TCFL5: variants seen among roughly 807,000 people sequenced by gnomAD.
TCFL5 encodes transcription factor-like 5 protein.
Under a neutral mutation model 44.3 loss-of-function variants are expected in TCFL5, and 9 were observed. The ratio of observed to expected loss-of-function variants is 0.20; its 90% CI spans 0.12 to 0.35. The LOEUF is 0.35. Ranked by LOEUF, TCFL5 falls within the 10% of genes least tolerant of loss-of-function variation. TCFL5 has a pLI of 1.00. For synonymous variants in TCFL5, 319 were observed against 271.6 expected (o/e 1.17, Z -1.72); for missense variants, 603 against 613.4 (o/e 0.98, Z 0.18).
Position 62,842,313 on chromosome 20 carries a change from A to G in TCFL5, c.1381-216T>C, listed in dbSNP as rs968338059. On this transcript the variant is annotated intron_variant, in intron 5 of 5. Coordinates refer to ENST00000335351, the MANE Select transcript of TCFL5 (RefSeq NM_006602.4). This position sits in a 1 kb window ranked among gnomAD's most constrained non-coding sequence, Gnocchi z 4.3. Reference sequence around the variant, plus strand: ...TTTTCAAATAGCAGTTACACTGTACATGTACTTTTGTTTTTCCAATACTCA... The same window carrying G: ...TTTTCAAATAGCAGTTACACTGTACGTGTACTTTTGTTTTTCCAATACTCA... 1.3e-5 allele frequency among the ~76,000 whole-genome samples: 2 copies of G among 152,044 alleles called. No homozygotes were observed. The highest frequency in any genetic ancestry group is 2.9e-5 in the Non-Finnish European group (2 of 68,012).
In TCFL5 at chr20:62,861,208, C is replaced by T. The variant is rs1325186727; in HGVS notation, c.463G>A (p.Asp155Asn). The change falls in exon 1 of 6, where the codon GAC becomes AAC. Residue 155 changes from aspartate to asparagine, a missense_variant. Around this residue, in one of 4 missense-constraint regions of TCFL5, gnomAD observed 540 missense variants for 478.7 expected, o/e 1.13. Coordinates refer to ENST00000335351, the MANE Select transcript of TCFL5 (RefSeq NM_006602.4). The surrounding 1 kb of genome is among the most constrained non-coding windows in gnomAD (Gnocchi z 4.0). The stretch of plus-strand genomic sequence containing the variant: ...CCCGCGCCCTCCTTGGCGGCGCCGT[C>T]GGCCCGGGCCCTCGCTCCGTCCCCG... Reference protein sequence around the residue: ...GGGDGARARADGAAKEGAGAA... With the variant: ...GGGDGARARANGAAKEGAGAA... 9.4e-7 allele frequency: 1 copy of T among 1,062,920 alleles called. No individual in the cohort carries two copies. 65.8% of individuals were successfully genotyped at this position (1,062,920 alleles called of 1,614,324 possible). A position where few individuals can be genotyped will look rare whatever the true frequency, so the allele number is the denominator to read the frequency against.
Position 62,861,486 on chromosome 20 carries a change from C to A in TCFL5, c.185G>T (p.Cys62Phe). 8.4e-7 allele frequency: 1 copy of A among 1,196,166 alleles called. No homozygotes were observed. The allele number at this position is 1,196,166 out of a possible 1,614,324, so 74.1% of individuals were successfully genotyped here. Residue 62 changes from cysteine to phenylalanine, a missense_variant, in exon 1 of 6, where the codon TGC becomes TTC. By Grantham distance (205) the Cys-to-Phe change is radical (BLOSUM62 -2). Coordinates refer to ENST00000335351, the MANE Select transcript of TCFL5 (RefSeq NM_006602.4). The surrounding 1 kb of genome is among the most constrained non-coding windows in gnomAD (Gnocchi z 4.0). ...VEYTQLQHIL[C>F]SHMEAAADGE... is the part of the protein sequence containing the mutation. Reference sequence around the variant, plus strand: ...GTCAGCCGCCGCCTCCATGTGCGAGCAGAGGATGTGCTGCAGCTGCGTGTA... The same window carrying A: ...GTCAGCCGCCGCCTCCATGTGCGAGAAGAGGATGTGCTGCAGCTGCGTGTA...
chr20:62,860,893 C>T lies in TCFL5; in HGVS notation c.647+131G>A, dbSNP rs566317695. ...GGGCGGCCCCAGACCCGGTGAGGTC[C>T]GCGCCCTGTGCCGCCGGGAGGGCAG... On this transcript the variant is annotated intron_variant, in intron 1 of 5. Coordinates refer to ENST00000335351, the MANE Select transcript of TCFL5 (RefSeq NM_006602.4). The T allele has an allele frequency of 9.2e-3, 7,101 of 771,898 alleles. 47 individuals are homozygous for T. The highest frequency in any genetic ancestry group is 0.01 in the Non-Finnish European group (6,553 of 633,414). The allele number at this position is 771,898 out of a possible 1,614,324, so 47.8% of individuals were successfully genotyped here.
In TCFL5 at chr20:62,860,285, G is replaced by T; in HGVS notation, c.671C>A (p.Pro224Gln). 1 of 1,610,156 alleles carries T rather than the reference G, an allele frequency of 6.2e-7. No homozygotes were observed. The highest frequency in any genetic ancestry group is 8.5e-7 in the Non-Finnish European group (1 of 1,176,672). The stretch of plus-strand genomic sequence containing the variant: ...AAGAGGAACATTCATTAGTTCAGAT[G>T]GATGTCGAATGAGAGTTACCAAACT... ...LNNLVTLIRHPSELMNVPLQQ... is the reference protein window; with the variant it reads ...LNNLVTLIRHQSELMNVPLQQ... The change falls in exon 2 of 6, where the codon CCA becomes CAA. Residue 224 changes from proline to glutamine, a missense_variant. Coordinates refer to ENST00000335351, the MANE Select transcript of TCFL5 (RefSeq NM_006602.4).
chr20:62,846,395 A>G (rs1453219107), intron 5 of TCFL5, among the ~76,000 whole-genome samples: 1 of 152,232 alleles, frequency 6.6e-6, no homozygotes, highest in Non-Finnish European at 1.5e-5. Flanking sequence ...AGAGAGGAGC[A>G]GATCCCCTTA....
chr20:62,858,597 C>T (rs1287325523), intron 3 of TCFL5, among the ~76,000 whole-genome samples: 1 of 152,138 alleles, frequency 6.6e-6, no homozygotes, highest in Admixed American at 6.5e-5. Flanking sequence ...TTTTTCGGGT[C>T]ACTTCACAAA....
intron 5 of TCFL5, among the ~76,000 whole-genome samples, chr20:62,850,444 C>T (rs1473164179): frequency 6.6e-6 from 1 of 152,050 alleles, no homozygotes; most frequent in Admixed American, 6.5e-5. Flanking sequence ...ACCCAGCCAC[C>T]GAGGCCAAAC....
chr20:62,861,390 A>C lies in TCFL5; in HGVS notation c.281T>G (p.Phe94Cys). ...AAGPGAGAGG[F>C]AAGGQGGAAP... ...CGCGCCCCCCTGACCGCCCGCCGCGAAGCCGCCCGCGCCTGCGCCCGGGCC... is the reference window on the plus strand; with the variant it reads ...CGCGCCCCCCTGACCGCCCGCCGCGCAGCCGCCCGCGCCTGCGCCCGGGCC... Residue 94 changes from phenylalanine to cysteine, a missense_variant, in exon 1 of 6, where the codon TTC becomes TGC. This residue lies in a region of TCFL5 where 540 missense variants were observed against 478.7 expected (regional missense o/e 1.13). Transcript: ENST00000335351. This position sits in a 1 kb window ranked among gnomAD's most constrained non-coding sequence, Gnocchi z 4.0. The C allele has an allele frequency of 3.7e-6, 4 of 1,077,726 alleles. No homozygotes were observed. Among genetic ancestry groups the C allele is most frequent in the Non-Finnish European group, 3.4e-6 (3 of 893,426 alleles). 66.8% of individuals were successfully genotyped at this position (1,077,726 alleles called of 1,614,324 possible).
intron 5 of TCFL5, among the ~76,000 whole-genome samples, chr20:62,846,802 A>G (rs976716786): frequency 6.6e-6 from 1 of 152,026 alleles, no homozygotes. Flanking sequence ...AAGAAAAATA[A>G]TAATACCAAC....
chr20:62,859,285 GCCC>G, intron 3 of TCFL5, 76 bp downstream of exon 3: 1 of 1,448,406 alleles, frequency 6.9e-7, no homozygotes, highest in Non-Finnish European at 9.4e-7. Flanking sequence ...TGTCTCCCCT[GCCC>G]CCCAAGGCCA....
chr20:62,847,175 T>G (rs1478429359), intron 5 of TCFL5, among the ~76,000 whole-genome samples: 1 of 138,150 alleles, frequency 7.2e-6, no homozygotes, highest in Non-Finnish European at 1.6e-5. Context: ...GAGTGAAACT[T>G]CATCTCAAAA....
intron 5 of TCFL5, chr20:62,844,961 G>T: frequency 2.0e-6 from 2 of 985,294 alleles, no homozygotes; most frequent in Non-Finnish European, 2.4e-6. Context: ...GAGGACACAA[G>T]CGCCATGCTG....
chr20:62,858,238 G>A (rs922502170), intron 3 of TCFL5, among the ~76,000 whole-genome samples: 2 of 152,216 alleles, frequency 1.3e-5, no homozygotes, highest in African/African-American at 4.8e-5. Context: ...GCTATGCCAC[G>A]TGTGCGTCAG....
intron 5 of TCFL5, chr20:62,844,706 C>G (rs1037677808): frequency 4.9e-6 from 1 of 202,718 alleles, no homozygotes; most frequent in Non-Finnish European, 8.7e-6. Context: ...AGCAATTTTC[C>G]TGCCTCAGCC....
Position 62,842,242 on chromosome 20 carries a change from TACCTC to T in TCFL5, c.1381-150_1381-146del, listed in dbSNP as rs2063687224. 7 of 1,055,830 alleles carry T rather than the reference TACCTC, an allele frequency of 6.6e-6. No homozygotes were observed. Among genetic ancestry groups the T allele is most frequent in the South Asian group, 3.3e-5 (2 of 60,512 alleles). The allele number at this position is 1,055,830 out of a possible 1,614,324, so 65.4% of individuals were successfully genotyped here. A position where few individuals can be genotyped will look rare whatever the true frequency, so the allele number is the denominator to read the frequency against. Reference sequence around the variant, plus strand: ...AGGTGTCATTCACAAACTTGTGTCTTACCTCACAAGGGGATTTATATAATAAACAG... The same window carrying T: ...AGGTGTCATTCACAAACTTGTGTCTTACAAGGGGATTTATATAATAAACAG... On this transcript the variant is annotated intron_variant, in intron 5 of 5. Coordinates refer to ENST00000335351, the MANE Select transcript of TCFL5 (RefSeq NM_006602.4). The surrounding 1 kb of genome is among the most constrained non-coding windows in gnomAD (Gnocchi z 4.3).
At position 62,842,428 on chromosome 20, in the gene TCFL5, C is replaced by G. The variant is rs1253106755; in HGVS notation, c.1381-331G>C. 2.0e-5 allele frequency among the ~76,000 whole-genome samples: 3 copies of G among 152,138 alleles called. No individual in the cohort carries two copies. The highest frequency in any genetic ancestry group is 2.9e-5 in the Non-Finnish European group (2 of 68,034). ...CGCTAATGGGCCCTAGCTAATAAAC[C>G]TGTAAACCCAGCGTGTGAGAGAAGG... On this transcript the variant is annotated intron_variant, in intron 5 of 5. Coordinates refer to ENST00000335351, the MANE Select transcript of TCFL5 (RefSeq NM_006602.4). This position sits in a 1 kb window ranked among gnomAD's most constrained non-coding sequence, Gnocchi z 4.3.
Position 62,845,898 on chromosome 20 carries a change from T to A in TCFL5, c.1381-3801A>T, listed in dbSNP as rs778219872. On this transcript the variant is annotated intron_variant, in intron 5 of 5. Coordinates refer to ENST00000335351, the MANE Select transcript of TCFL5 (RefSeq NM_006602.4). ...GCCAGTGCCTTCAGTCAACAAAGAA[T>A]GAGTTAAATGCTAAGGAAGCCTTCA... The A allele has an allele frequency of 2.0e-6, 3 of 1,538,110 alleles. No homozygotes were observed. The South Asian group carries it at 3.5e-5, about 18-fold the overall frequency.
chr20:62,842,189 G>T lies in TCFL5; in HGVS notation c.1381-92C>A, dbSNP rs2063686669. The T allele has an allele frequency of 1.3e-6, 2 of 1,524,518 alleles. No homozygotes were observed. Among genetic ancestry groups the T allele is most frequent in the Non-Finnish European group, 1.8e-6 (2 of 1,119,720 alleles). 94.4% of individuals were successfully genotyped at this position (1,524,518 alleles called of 1,614,324 possible). ...GCAAAAGGTTCAAATTAAGAGCTAAGTAAATGACTTTAGAATACGCTGTTT... is the reference window on the plus strand; with the variant it reads ...GCAAAAGGTTCAAATTAAGAGCTAATTAAATGACTTTAGAATACGCTGTTT... On this transcript the variant is annotated intron_variant, in intron 5 of 5. Coordinates refer to ENST00000335351, the MANE Select transcript of TCFL5 (RefSeq NM_006602.4). The surrounding 1 kb of genome is among the most constrained non-coding windows in gnomAD (Gnocchi z 4.3).
chr20:62,854,276 C>G, intron 4 of TCFL5, 119 bp from the exon 5 acceptor site: 1 of 1,307,956 alleles, frequency 7.6e-7, no homozygotes, highest in Non-Finnish European at 1.0e-6. Context: ...CCACTGAGTG[C>G]CACGGAAGCG....
Sources: allele counts gnomAD v4.1 joint callset (sites outside exome capture counted in the v4.1 genomes callset), GRCh38; gene constraint gnomAD v4.1.1; regional missense constraint gnomAD v4.1.1; non-coding constraint Gnocchi (gnomAD v3.1); transcripts MANE v1.5; gene names NCBI Gene and HGNC (gene_info 2026-07-23, HGNC 2026-07-21).